The following ASIP variants were observed in gnomAD, a reference collection of about 807,000 sequenced individuals.
ASIP encodes agouti-signaling protein.
In ASIP, 11 loss-of-function variants were observed where a neutral mutation model predicts 10.3. The observed-to-expected ratio is 1.07, with a 90% confidence interval of 0.68 to 1.78. ASIP has a LOEUF of 1.78. Among genes scored for constraint, ASIP ranks in the 40% most tolerant of loss-of-function variants. The pLI is 0.00. For missense variants in ASIP, 180 were observed against 169.2 expected, an observed-to-expected ratio of 1.06 and a Z score of -0.35; for synonymous variants, 70 against 70.8, an observed-to-expected ratio of 0.99 and a Z score of 0.06.
chr20:34,230,694 G>A lies in ASIP; in HGVS notation c.-10-29671G>A, dbSNP rs1436477794. ...CGGGCAGAGGCACCCCTCACCTCCCGGAAGGGGCGGCTGGCCGGGCGGGGG... is the reference window on the plus strand; with the variant it reads ...CGGGCAGAGGCACCCCTCACCTCCCAGAAGGGGCGGCTGGCCGGGCGGGGG... On this transcript the variant is annotated intron_variant, in intron 1 of 3. Transcript: ENST00000568305. Among the ~76,000 whole-genome samples the A allele has an allele frequency of 5.4e-4, 13 of 24,278 alleles. 1 individual carries two copies. The highest frequency in any genetic ancestry group is 1.5e-3 in the South Asian group (1 of 686). 15.9% of individuals were successfully genotyped at this position (24,278 alleles called of 152,430 possible).
At chr20:34,195,488 C>T (rs943213381) in intron 1 of ASIP, among the ~76,000 whole-genome samples, 1 of 152,178 alleles carries the variant, frequency 6.6e-6, no homozygotes, top group Non-Finnish European at 1.5e-5. Flanking sequence ...AGGGCACTTA[C>T]GCTGATGGCT....
chr20:34,237,245 G>T (rs576087992), upstream of ASIP, among the ~76,000 whole-genome samples: 25 of 140,564 alleles, frequency 1.8e-4, no homozygotes, highest in African/African-American at 4.1e-4. Context: ...TTTAGAATGG[G>T]TTTTTTTTCT....
At chr20:34,260,305 G>A (rs533499262) in intron 1 of ASIP, 60 bp from the exon 2 acceptor site, 5 of 1,497,472 alleles carry the variant, frequency 3.3e-6, no homozygotes, top group East Asian at 2.3e-5. Flanking sequence ...AAGAAAGCAG[G>A]AAGGCCTCTT....
At chr20:34,212,432 T>C (rs2034980532) in intron 1 of ASIP, among the ~76,000 whole-genome samples, 1 of 152,194 alleles carries the variant, frequency 6.6e-6, no homozygotes, top group Non-Finnish European at 1.5e-5. Flanking sequence ...TTATGACCCT[T>C]TTCTACTAAA....
At position 34,268,983 on chromosome 20, in the gene ASIP, C is replaced by T. The variant is rs2035839526; in HGVS notation, c.223-8C>T. ...CCGGCTCATAAAGCCCCGGCGTTTC[C>T]CACGCAGAAGGAGGCTTCGATGAAG... On this transcript the variant is annotated splice_region_variant and splice_polypyrimidine_tract_variant and intron_variant, in intron 3 of 3. Coordinates refer to ENST00000374954, the MANE Select transcript of ASIP (RefSeq NM_001672.3). 6.3e-7 allele frequency: 1 copy of T among 1,598,778 alleles called. No individual in the cohort carries two copies. Among genetic ancestry groups the T allele is most frequent in the African/African-American group, 1.3e-5 (1 of 74,588 alleles).
chr20:34,235,966 AGGGAGGGAGG>A (rs1158570367), intron 1 of ASIP, among the ~76,000 whole-genome samples: 2 of 86,628 alleles, frequency 2.3e-5, no homozygotes. Context: ...GGAAGGAAGG[AGGGAGGGAGG>A]GAAGAAGGAA....
chr20:34,216,000 A>G, intron 1 of ASIP: 1 of 714,280 alleles, frequency 1.4e-6, no homozygotes, highest in South Asian at 1.4e-5. Context: ...TCCCAGCCTG[A>G]ACTCCATGGT....
At chr20:34,261,882 G>C (rs760963235) in intron 2 of ASIP, among the ~76,000 whole-genome samples, 10 of 152,164 alleles carry the variant, frequency 6.6e-5, no homozygotes, top group Non-Finnish European at 1.2e-4. Context: ...GGAGGCCAAG[G>C]TGGGCAGATC....
intron 1 of ASIP, chr20:34,245,876 G>C: frequency 7.2e-6 from 7 of 966,810 alleles, no homozygotes; most frequent in Non-Finnish European, 8.5e-6. Flanking sequence ...ATATATATAT[G>C]TATATATAAA....
intron 1 of ASIP, among the ~76,000 whole-genome samples, chr20:34,201,613 C>T (rs1354056870): frequency 6.6e-6 from 1 of 152,190 alleles, no homozygotes; most frequent in Non-Finnish European, 1.5e-5. Flanking sequence ...CTCCAGCTGC[C>T]TTTGATAGAT....
intron 1 of ASIP, among the ~76,000 whole-genome samples, chr20:34,203,419 A>G (rs1404523488): frequency 2.0e-5 from 3 of 149,386 alleles, no homozygotes; most frequent in Non-Finnish European, 3.0e-5. Context: ...ATTTTTTGAG[A>G]CACGGTTTCA....
At chr20:34,267,544 T>A (rs551250818) in intron 3 of ASIP, among the ~76,000 whole-genome samples, 31 of 152,146 alleles carry the variant, frequency 2.0e-4, no homozygotes, top group Middle Eastern at 6.8e-3. Context: ...TTATTTATTT[T>A]TTTTGAGACA....
upstream of ASIP, among the ~76,000 whole-genome samples, chr20:34,193,550 C>T (rs1012144832): frequency 6.6e-6 from 1 of 151,940 alleles, no homozygotes; most frequent in African/African-American, 2.4e-5. Context: ...ATTGAAAGGG[C>T]TAACAGCATA....
Position 34,269,168 on chromosome 20 carries a change from G to A in ASIP, c.*1G>A. The A allele has an allele frequency of 2.0e-6, 3 of 1,521,964 alleles. No homozygotes were observed. In the South Asian group the frequency reaches 3.7e-5, roughly 19 times the overall value. 94.3% of individuals were successfully genotyped at this position (1,521,964 alleles called of 1,614,324 possible). A position where few individuals can be genotyped will look rare whatever the true frequency, so the allele number is the denominator to read the frequency against. ...CCGCGTGCTCAGCCTCAACTGCTGA[G>A]CGCCCCCACTCCCGGCCGCGAGCAG... On this transcript the variant is annotated 3_prime_UTR_variant, in exon 4 of 4. Transcript: ENST00000374954.
At chr20:34,233,208 T>C (rs1295611637) in intron 1 of ASIP, among the ~76,000 whole-genome samples, 3 of 146,090 alleles carry the variant, frequency 2.1e-5, no homozygotes, top group Non-Finnish European at 4.4e-5. Flanking sequence ...AGTACAATGG[T>C]GTGATCTCAG....
At position 34,269,002 on chromosome 20, in the gene ASIP, G is replaced by C; in HGVS notation, c.234G>C (p.Ser78=). 2 of 1,606,698 alleles carry C rather than the reference G, an allele frequency of 1.2e-6. No homozygotes were observed. The highest frequency in any genetic ancestry group is 1.3e-5 in the African/African-American group (1 of 74,924). The change falls in exon 4 of 4, where the codon TCG becomes TCC. Residue 78 remains serine, a synonymous_variant. Coordinates refer to ENST00000374954, the MANE Select transcript of ASIP (RefSeq NM_001672.3). ...CGTTTCCCACGCAGAAGGAGGCTTC[G>C]ATGAAGAAAGTGGTGCGGCCCCGGA... The part of the protein sequence containing the change: ...EKKRSSKKEA[S]MKKVVRPRTP...
intron 1 of ASIP, among the ~76,000 whole-genome samples, chr20:34,206,882 T>G (rs2122544509): frequency 6.6e-6 from 1 of 152,288 alleles, no homozygotes; most frequent in Non-Finnish European, 1.5e-5. Flanking sequence ...ATATACCACG[T>G]TTTTTAAATC....
intron 1 of ASIP, among the ~76,000 whole-genome samples, chr20:34,235,242 C>T (rs2035164442): frequency 6.6e-6 from 1 of 152,156 alleles, no homozygotes; most frequent in Non-Finnish European, 1.5e-5. Context: ...GAGTTTGAGA[C>T]CAGCCTGATC....
At chr20:34,253,599 G>A (rs1239429775) in intron 1 of ASIP, among the ~76,000 whole-genome samples, 1 of 151,910 alleles carries the variant, frequency 6.6e-6, no homozygotes, top group Non-Finnish European at 1.5e-5. Flanking sequence ...AGCCTCCCAA[G>A]TAGCTGGGAT....
Sources: allele counts gnomAD v4.1 joint callset (sites outside exome capture counted in the v4.1 genomes callset), GRCh38; gene constraint gnomAD v4.1.1; transcripts MANE v1.5; gene names NCBI Gene and HGNC (gene_info 2026-07-23, HGNC 2026-07-21).